The following CACNA1C variants were observed in gnomAD, a reference collection of about 807,000 sequenced individuals.
The protein encoded by CACNA1C is calcium voltage-gated channel subunit alpha1 C, also known as voltage-dependent L-type calcium channel subunit alpha-1C.
In CACNA1C, 30 loss-of-function variants were observed where a neutral mutation model predicts 229.0. The observed-to-expected ratio is 0.13, with a 90% CI of 0.10 to 0.18. The LOEUF (loss-of-function observed/expected upper bound fraction) is 0.18. Ranked by LOEUF, CACNA1C falls within the 10% of genes least tolerant of loss-of-function variation. The pLI is 1.00. For synonymous variants in CACNA1C, 1,114 were observed against 1,132.5 expected, an observed-to-expected ratio of 0.98 and a Z score of 0.33; for missense variants, 1,658 against 2,845.0, an observed-to-expected ratio of 0.58 and a Z score of 9.49.
intron 1 of CACNA1C, among the ~76,000 whole-genome samples, chr12:2,105,420 C>T (rs1387731872): frequency 1.3e-5 from 2 of 152,172 alleles, no homozygotes; most frequent in South Asian, 4.1e-4. Context: ...GTTCTGGGCA[C>T]CCCACCTCTC....
intron 31 of CACNA1C, among the ~76,000 whole-genome samples, chr12:2,650,657 G>A (rs1479746212): frequency 2.0e-5 from 3 of 152,136 alleles, no homozygotes; most frequent in East Asian, 3.9e-4. Context: ...AGGACCGCAG[G>A]GCAGCCCGTC....
intron 22 of CACNA1C, among the ~76,000 whole-genome samples, chr12:2,604,176 GA>G (rs2074175327): frequency 6.6e-6 from 1 of 152,188 alleles, no homozygotes; most frequent in South Asian, 2.1e-4. Flanking sequence ...GGCTGGCTTT[GA>G]GGAAACGGGG....
chr12:2,526,363 T>A lies in CACNA1C; in HGVS notation c.1390+13379T>A, dbSNP rs1238628423. 5.9e-5 allele frequency among the ~76,000 whole-genome samples: 9 copies of A among 152,294 alleles called. No homozygotes were observed. In the East Asian group the frequency reaches 1.7e-3, roughly 29 times the overall value. ...GTCACATCACACTGGAGTGACCACCTCCCAGCTGACAGTGCTCCCGGATTC... is the reference window on the plus strand; with the variant it reads ...GTCACATCACACTGGAGTGACCACCACCCAGCTGACAGTGCTCCCGGATTC... On this transcript the variant is annotated intron_variant, in intron 9 of 46. Transcript: ENST00000399655.
At chr12:2,690,375 G>A (rs1286328441) in intron 46 of CACNA1C, among the ~76,000 whole-genome samples, 1 of 152,218 alleles carries the variant, frequency 6.6e-6, no homozygotes, top group Non-Finnish European at 1.5e-5. Context: ...TGTCACCCAG[G>A]CTGGAGTGTA....
At chr12:2,448,763 G>A (rs1350311229) in intron 3 of CACNA1C, among the ~76,000 whole-genome samples, 8 of 149,998 alleles carry the variant, frequency 5.3e-5, no homozygotes, top group Non-Finnish European at 7.4e-5. Flanking sequence ...CTTTGATGCA[G>A]AAAAAAAAAA....
At chr12:2,229,049 T>C (rs750977988) in intron 3 of CACNA1C, among the ~76,000 whole-genome samples, 3 of 152,182 alleles carry the variant, frequency 2.0e-5, no homozygotes, top group Non-Finnish European at 2.9e-5. Flanking sequence ...CCATTACTAT[T>C]AGCGGGGCAA....
intron 31 of CACNA1C, among the ~76,000 whole-genome samples, chr12:2,650,509 G>A (rs2094839493): frequency 6.6e-6 from 1 of 152,178 alleles, no homozygotes; most frequent in African/African-American, 2.4e-5. Flanking sequence ...ATTCTCTCCC[G>A]GTGCCCGCAG....
intron 3 of CACNA1C, among the ~76,000 whole-genome samples, chr12:2,388,761 A>G (rs1168436639): frequency 6.6e-6 from 1 of 151,886 alleles, no homozygotes; most frequent in East Asian, 1.9e-4. Context: ...GCAGTTGACC[A>G]GTTCATGGTT....
chr12:2,628,583 C>T (rs892641438), intron 29 of CACNA1C, among the ~76,000 whole-genome samples: 5 of 152,140 alleles, frequency 3.3e-5, no homozygotes, highest in Non-Finnish European at 7.4e-5. Flanking sequence ...GTGACTCCTA[C>T]GTCACTAGGC....
chr12:2,411,636 G>T (rs1239992505), intron 3 of CACNA1C, among the ~76,000 whole-genome samples: 3 of 152,292 alleles, frequency 2.0e-5, no homozygotes, highest in African/African-American at 7.2e-5. Flanking sequence ...AGGTAGCCTG[G>T]CCACCCTTTC....
intron 3 of CACNA1C, among the ~76,000 whole-genome samples, chr12:2,392,251 G>A (rs1449675622): frequency 6.6e-6 from 1 of 152,194 alleles, no homozygotes; most frequent in African/African-American, 2.4e-5. Flanking sequence ...TTTCTACTGA[G>A]CCATCTATTT....
chr12:2,645,423 G>C (rs1222961135), intron 30 of CACNA1C, among the ~76,000 whole-genome samples: 1 of 152,218 alleles, frequency 6.6e-6, no homozygotes, highest in Non-Finnish European at 1.5e-5. Context: ...AGGTAGAACT[G>C]ATGCTTTGTA....
chr12:2,351,222 G>A (rs11062197), intron 3 of CACNA1C, among the ~76,000 whole-genome samples: 9 of 152,038 alleles, frequency 5.9e-5, no homozygotes, highest in African/African-American at 1.7e-4. Flanking sequence ...CAGTCACGCC[G>A]TACCCCCAGC....
Position 2,685,817 on chromosome 12 carries a change from G to T in CACNA1C, c.5655G>T (p.Arg1885Ser). 1 of 1,613,298 alleles carries T rather than the reference G, an allele frequency of 6.2e-7. No homozygotes were observed. Residue 1885 changes from arginine (R) to serine (S), a missense_variant, in exon 44 of 47, where the codon AGG becomes AGT. Around this residue, in one of 20 missense-constraint regions of CACNA1C, gnomAD observed 590 missense variants for 700.8 expected, o/e 0.84. Coordinates refer to ENST00000399655, the MANE Select transcript of CACNA1C (RefSeq NM_000719.7). ...DKRDIRQSPK[R>S]GFLRSASLGR... ...GGGACATCCGGCAATCTCCGAAGAG[G>T]GGTTTCCTCCGCTCTGCCTCACTAG...
chr12:2,504,752 G>A lies in CACNA1C; in HGVS notation c.1114-90G>A. On this transcript the variant is annotated intron_variant, in intron 7 of 46. Coordinates refer to ENST00000399655, the MANE Select transcript of CACNA1C (RefSeq NM_000719.7). The surrounding 1 kb of genome is among the most constrained non-coding windows in gnomAD (Gnocchi z 6.8). ...TAGAGGGTCCCCGGATCCTGGCGCT[G>A]CGTGGGTCAGTGTCTCGGGAGCCGG... The A allele has an allele frequency of 1.2e-6, 1 of 848,030 alleles. No homozygotes were observed. Among genetic ancestry groups the A allele is most frequent in the Non-Finnish European group, 2.0e-6 (1 of 501,082 alleles). 52.5% of individuals were successfully genotyped at this position (848,030 alleles called of 1,614,324 possible).
At chr12:2,510,433 A>G (rs1390606954) in intron 8 of CACNA1C, among the ~76,000 whole-genome samples, 1 of 152,096 alleles carries the variant, frequency 6.6e-6, no homozygotes, top group East Asian at 1.9e-4. Flanking sequence ...CTCCCAAAAC[A>G]CATCCTTCCT....
intron 1 of CACNA1C, among the ~76,000 whole-genome samples, chr12:2,097,371 C>T (rs540502930): frequency 8.6e-5 from 13 of 152,036 alleles, no homozygotes; most frequent in Non-Finnish European, 1.2e-4. Flanking sequence ...TAGTCTCGAT[C>T]TCCTGACCTT....
intron 3 of CACNA1C, among the ~76,000 whole-genome samples, chr12:2,225,153 G>C (rs971261130): frequency 2.0e-5 from 3 of 152,146 alleles, no homozygotes; most frequent in African/African-American, 7.2e-5. Flanking sequence ...ACTTTGCCAG[G>C]ATATCTTCAA....
chr12:1,985,290 C>T (rs1372815830), intron 1 of CACNA1C, among the ~76,000 whole-genome samples: 1 of 152,124 alleles, frequency 6.6e-6, no homozygotes, highest in African/African-American at 2.4e-5. Flanking sequence ...AGGCCCTGTT[C>T]ATTTTTAAAA....
Sources: allele counts gnomAD v4.1 joint callset (sites outside exome capture counted in the v4.1 genomes callset), GRCh38; gene constraint gnomAD v4.1.1; regional missense constraint gnomAD v4.1.1; non-coding constraint Gnocchi (gnomAD v3.1); transcripts MANE v1.5; gene names NCBI Gene and HGNC (gene_info 2026-07-23, HGNC 2026-07-21).